Variants in TNRC6A observed in about 807,000 individuals in gnomAD.
TNRC6A encodes trinucleotide repeat containing adaptor 6A, also known as trinucleotide repeat-containing gene 6A protein.
TNRC6A carries 44 observed loss-of-function variants against 221.2 expected under a neutral mutation model. That is an observed-to-expected ratio of 0.20 (90% confidence interval 0.16 to 0.26). The LOEUF is 0.26. TNRC6A is among the 10% of genes least tolerant of loss of function. TNRC6A has a pLI of 1.00. For synonymous variants in TNRC6A, 847 were observed against 838.5 expected (o/e 1.01, Z -0.18); for missense variants, 2,199 against 2,404.4 (o/e 0.91, Z 1.79).
chr16:24,666,134 T>TG (rs1333964353), intron 2 of TNRC6A, among the ~76,000 whole-genome samples: 1 of 152,006 alleles, frequency 6.6e-6, no homozygotes, highest in Non-Finnish European at 1.5e-5. Context: ...TGAGACCAGC[T>TG]GGGGCAGCAT....
intron 2 of TNRC6A, among the ~76,000 whole-genome samples, chr16:24,701,242 G>A (rs1440275294): frequency 2.0e-5 from 3 of 152,224 alleles, no homozygotes; most frequent in African/African-American, 7.2e-5. Flanking sequence ...ACTGCAGGGG[G>A]AGCTTCAGGA....
At chr16:24,715,652 C>G (rs1409380376) in intron 2 of TNRC6A, among the ~76,000 whole-genome samples, 1 of 138,790 alleles carries the variant, frequency 7.2e-6, no homozygotes, top group African/African-American at 2.7e-5. Flanking sequence ...GAGTCTCACT[C>G]TGTCTCTCAG....
upstream of TNRC6A, among the ~76,000 whole-genome samples, chr16:24,725,298 G>A (rs1442570922): frequency 6.6e-6 from 1 of 152,014 alleles, no homozygotes; most frequent in East Asian, 1.9e-4. Flanking sequence ...TCAGCCTCCT[G>A]AGTAGCTGGG....
intron 2 of TNRC6A, among the ~76,000 whole-genome samples, chr16:24,692,437 G>T (rs2055774468): frequency 6.6e-6 from 1 of 152,110 alleles, no homozygotes; most frequent in Non-Finnish European, 1.5e-5. Flanking sequence ...GGGCATGGTG[G>T]TGGGCGCCTG....
intron 1 of TNRC6A, among the ~76,000 whole-genome samples, chr16:24,629,804 A>G (rs1901239348): frequency 6.6e-6 from 1 of 152,082 alleles, no homozygotes; most frequent in African/African-American, 2.4e-5. Flanking sequence ...TCCTGACTCT[A>G]TAAAAAAGTA....
At chr16:24,666,424 G>C (rs1168970760) in intron 2 of TNRC6A, among the ~76,000 whole-genome samples, 15 of 144,482 alleles carry the variant, frequency 1.0e-4, no homozygotes, top group Middle Eastern at 3.7e-3. Context: ...AGTGAGTCGA[G>C]ATCGCGCCAC....
At chr16:24,648,491 C>T (rs1018026063) in intron 2 of TNRC6A, among the ~76,000 whole-genome samples, 20 of 151,960 alleles carry the variant, frequency 1.3e-4, no homozygotes, top group Middle Eastern at 3.4e-3. Flanking sequence ...AGGATGGTCT[C>T]GATCTCCTGA....
Position 24,789,575 on chromosome 16 carries a change from G to T in TNRC6A, c.933G>T (p.Gly311=). 3 of 1,614,044 alleles carry T rather than the reference G, an allele frequency of 1.9e-6. No individual in the cohort carries two copies. Among genetic ancestry groups the T allele is most frequent in the Non-Finnish European group, 2.5e-6 (3 of 1,180,006 alleles). Residue 311 remains glycine, a synonymous_variant, in exon 6 of 25, where the codon GGG becomes GGT. Coordinates refer to ENST00000395799, the MANE Select transcript of TNRC6A (RefSeq NM_014494.4). ...SNNVGHGSST[G]PWGFSHGAII... ...ATGTGGGCCATGGAAGTAGTACTGG[G>T]CCATGGGGTTTTTCCCATGGAGCCA...
At chr16:24,806,117 C>A in intron 15 of TNRC6A, 89 bp from the exon 16 acceptor site, 1 of 1,448,982 alleles carries the variant, frequency 6.9e-7, no homozygotes, top group African/African-American at 1.4e-5. Flanking sequence ...TCACGTCGTG[C>A]CTCTGTAGGT....
Position 24,824,950 on chromosome 16 carries a change from AGT to A in TNRC6A, c.*1145_*1146del, listed in dbSNP as rs1398381340. On this transcript the variant is annotated 3_prime_UTR_variant, in exon 25 of 25. Coordinates refer to ENST00000395799, the MANE Select transcript of TNRC6A (RefSeq NM_014494.4). ...TGCTTTCAGATGCTGTCTTTTTATTAGTGAGTGATGATGGTTTGCTAATAATC... is the reference window on the plus strand; with the variant it reads ...TGCTTTCAGATGCTGTCTTTTTATTAGAGTGATGATGGTTTGCTAATAATC... 2 of 152,614 alleles carry A rather than the reference AGT, an allele frequency of 1.3e-5. No individual in the cohort carries two copies. Among genetic ancestry groups the A allele is most frequent in the Non-Finnish European group, 2.9e-5 (2 of 68,034 alleles). The allele number at this position is 152,614 out of a possible 1,614,324, so 9.5% of individuals were successfully genotyped here.
intron 2 of TNRC6A, among the ~76,000 whole-genome samples, chr16:24,738,793 G>T (rs925247305): frequency 6.6e-6 from 1 of 152,090 alleles, no homozygotes; most frequent in African/African-American, 2.4e-5. Flanking sequence ...CAATTCTATT[G>T]GTTATATACC....
intron 1 of TNRC6A, among the ~76,000 whole-genome samples, chr16:24,611,589 C>T (rs568190499): frequency 1.3e-5 from 2 of 152,220 alleles, no homozygotes; most frequent in African/African-American, 2.4e-5. Flanking sequence ...GCTCGGGCAT[C>T]GAGAGGCATC....
chr16:24,797,446 C>CA, intron 9 of TNRC6A, 44 bp from the exon 10 acceptor site: 2 of 1,458,618 alleles, frequency 1.4e-6, no homozygotes, highest in Non-Finnish European at 1.9e-6. Context: ...CCCAGATAAA[C>CA]AGAGATGGCC....
At chr16:24,796,112 G>A in intron 9 of TNRC6A, 173 bp downstream of exon 9, 1 of 561,942 alleles carries the variant, frequency 1.8e-6, no homozygotes, top group Non-Finnish European at 3.1e-6. Context: ...TCTAGTATGG[G>A]GCATTAGGAG....
intron 3 of TNRC6A, among the ~76,000 whole-genome samples, chr16:24,757,679 AC>A (rs2057281534): frequency 6.6e-6 from 1 of 152,228 alleles, no homozygotes; most frequent in Admixed American, 6.5e-5. Flanking sequence ...GGAAGAGCAG[AC>A]ATTGGAAGGC....
At chr16:24,740,897 T>C (rs1264402929) in intron 2 of TNRC6A, among the ~76,000 whole-genome samples, 1 of 152,228 alleles carries the variant, frequency 6.6e-6, no homozygotes, top group African/African-American at 2.4e-5. Flanking sequence ...ATAGAGTGTT[T>C]GTCCTTTTGT....
Position 24,729,684 on chromosome 16 carries a change from TCGGCGGCGGCGGCGG to T in TNRC6A, c.-138_-124del, listed in dbSNP as rs57831728. The stretch of plus-strand genomic sequence containing the variant: ...TCTGGGGCCTGCGGCGGCGGCGGTG[TCGGCGGCGGCGGCGG>T]CGGCGGCGGCGGCGGCGGCAGCGGG... On this transcript the variant is annotated 5_prime_UTR_variant, in exon 1 of 25. Coordinates refer to ENST00000395799, the MANE Select transcript of TNRC6A (RefSeq NM_014494.4). 5,157 of 630,116 alleles carry T rather than the reference TCGGCGGCGGCGGCGG, an allele frequency of 8.2e-3. 117 individuals are homozygous for T. Among genetic ancestry groups the T allele is most frequent in the Non-Finnish European group, 0.01 (4,504 of 441,230 alleles). 39.0% of individuals were successfully genotyped at this position (630,116 alleles called of 1,614,324 possible). A position where few individuals can be genotyped will look rare whatever the true frequency, so the allele number is the denominator to read the frequency against.
chr16:24,768,292 G>A (rs1002817736), intron 4 of TNRC6A, among the ~76,000 whole-genome samples: 4 of 152,032 alleles, frequency 2.6e-5, no homozygotes, highest in Admixed American at 6.6e-5. Flanking sequence ...TTAGCCAGGC[G>A]TGGTGGCGGG....
chr16:24,611,440 A>G (rs1462776775), intron 1 of TNRC6A, among the ~76,000 whole-genome samples: 1 of 152,150 alleles, frequency 6.6e-6, no homozygotes, highest in East Asian at 1.9e-4. Context: ...TCCACACCCC[A>G]GCTCAGCAAG....
Sources: allele counts gnomAD v4.1 joint callset (sites outside exome capture counted in the v4.1 genomes callset), GRCh38; gene constraint gnomAD v4.1.1; transcripts MANE v1.5; gene names NCBI Gene and HGNC (gene_info 2026-07-23, HGNC 2026-07-21).